The following PDZD2 variants were observed in gnomAD, a reference collection of about 807,000 sequenced individuals.
PDZD2 encodes the protein PDZ domain-containing protein 2.
In PDZD2, 90 loss-of-function variants were observed where a neutral mutation model predicts 220.7. That is an observed-to-expected ratio of 0.41 (90% confidence interval 0.34 to 0.49). The LOEUF (loss-of-function observed/expected upper bound fraction) is 0.49. PDZD2 is among the 20% of genes least tolerant of loss of function. The pLI is 0.28. For synonymous variants in PDZD2, 1,375 were observed against 1,450.5 expected (o/e 0.95, Z 1.18); for missense variants, 3,174 against 3,608.5 (o/e 0.88, Z 3.08).
intron 2 of PDZD2, among the ~76,000 whole-genome samples, chr5:31,849,074 CCT>C (rs1197115004): frequency 3.3e-5 from 5 of 152,108 alleles, no homozygotes; most frequent in African/African-American, 1.2e-4. Flanking sequence ...TCCTTCCTTT[CCT>C]CTGTTTTGCT....
chr5:31,735,714 A>G (rs1169212361), intron 1 of PDZD2, among the ~76,000 whole-genome samples: 1 of 152,208 alleles, frequency 6.6e-6, no homozygotes, highest in Non-Finnish European at 1.5e-5. Flanking sequence ...TGGGAGGCCA[A>G]GGCGGGCAGA....
intron 2 of PDZD2, among the ~76,000 whole-genome samples, chr5:31,806,256 G>T (rs1316632583): frequency 6.6e-6 from 1 of 152,164 alleles, no homozygotes; most frequent in South Asian, 2.1e-4. Flanking sequence ...TGGAAGATGA[G>T]GTCATGATTT....
At chr5:31,693,992 C>A (rs1398910640) in intron 1 of PDZD2, among the ~76,000 whole-genome samples, 1 of 152,204 alleles carries the variant, frequency 6.6e-6, no homozygotes, top group Admixed American at 6.5e-5. Context: ...TCATCATTAA[C>A]TGCGTCATAA....
intron 1 of PDZD2, among the ~76,000 whole-genome samples, chr5:31,767,027 C>CTTTTTTTT (rs3032828): frequency 0.01 from 954 of 94,196 alleles, 46 homozygotes; most frequent in East Asian, 0.031. Flanking sequence ...TGCACCCAGC[C>CTTTTTTTT]TTTTTTTTTT....
chr5:32,003,297 AACACC>A (rs1752467221), intron 5 of PDZD2, among the ~76,000 whole-genome samples: 1 of 87,302 alleles, frequency 1.1e-5, no homozygotes, highest in African/African-American at 4.4e-5. Context: ...CACCACAGCA[AACACC>A]ACACCACACA....
At chr5:32,078,983 C>T (rs531164154) in intron 19 of PDZD2, among the ~76,000 whole-genome samples, 58 of 151,836 alleles carry the variant, frequency 3.8e-4, no homozygotes, top group African/African-American at 1.3e-3. Context: ...TGGTGGGGCG[C>T]GGTGGCTCAT....
intron 2 of PDZD2, among the ~76,000 whole-genome samples, chr5:31,836,987 C>T (rs991356113): frequency 1.3e-5 from 2 of 150,954 alleles, no homozygotes; most frequent in African/African-American, 4.9e-5. Flanking sequence ...CATTGCATTC[C>T]AGCCTGGGCA....
chr5:31,710,486 T>G (rs1042349064), intron 1 of PDZD2, among the ~76,000 whole-genome samples: 5 of 152,158 alleles, frequency 3.3e-5, no homozygotes, highest in African/African-American at 1.2e-4. Flanking sequence ...TTGAGCTTGT[T>G]TCTGGCTTCT....
intron 1 of PDZD2, among the ~76,000 whole-genome samples, chr5:31,780,235 C>T (rs1263701155): frequency 1.3e-5 from 2 of 151,722 alleles, no homozygotes; most frequent in African/African-American, 2.4e-5. Context: ...AAGTCAAGCA[C>T]GTGAGAGTGG....
chr5:31,850,128 G>GTATATATACGTGTATATATT (rs1757935404), intron 2 of PDZD2, among the ~76,000 whole-genome samples: 1 of 69,020 alleles, frequency 1.4e-5, no homozygotes. Flanking sequence ...GTGTATATAT[G>GTATATATACGTGTATATATT]TGTGTGTATA....
chr5:31,720,063 C>G (rs1211582460), intron 1 of PDZD2, among the ~76,000 whole-genome samples: 3 of 152,216 alleles, frequency 2.0e-5, no homozygotes, highest in Non-Finnish European at 4.4e-5. Flanking sequence ...ATGCTGAGTA[C>G]AAGACACTAC....
intron 1 of PDZD2, among the ~76,000 whole-genome samples, chr5:31,671,773 G>A (rs541081421): frequency 1.1e-4 from 17 of 152,314 alleles, no homozygotes; most frequent in Admixed American, 7.2e-4. Flanking sequence ...TGGAGAGCTC[G>A]TTCAACACCG....
intron 5 of PDZD2, among the ~76,000 whole-genome samples, chr5:32,005,974 C>G (rs7737836): frequency 0.073 from 11,122 of 152,048 alleles, 1,183 homozygotes; most frequent in African/African-American, 0.23. Context: ...TGGTGAAACC[C>G]TGTCTCTACT....
Position 32,057,695 on chromosome 5 carries a change from C to T in PDZD2, c.1941C>T (p.Gly647=), listed in dbSNP as rs1298075498. The T allele has an allele frequency of 6.3e-7, 1 of 1,594,752 alleles. No homozygotes were observed. Among genetic ancestry groups the T allele is most frequent in the African/African-American group, 1.3e-5 (1 of 74,448 alleles). Residue 647 remains glycine, a synonymous_variant, in exon 11 of 25, where the codon GGC becomes GGT. Coordinates refer to ENST00000438447, the MANE Select transcript of PDZD2 (RefSeq NM_178140.4). ...ATGTAAATGGAATACCAATAAAGGG[C>T]TTGACATTTCAAGAAGCCATTCATA... ...ILDVNGIPIK[G]LTFQEAIHTF...
chr5:31,645,276 T>C (rs1745092181), intron 1 of PDZD2, among the ~76,000 whole-genome samples: 1 of 151,992 alleles, frequency 6.6e-6, no homozygotes, highest in Admixed American at 6.6e-5. Flanking sequence ...CCAGACTGGT[T>C]CTTTGAGGTG....
At chr5:32,003,375 A>G (rs1370201009) in intron 5 of PDZD2, among the ~76,000 whole-genome samples, 1 of 49,734 alleles carries the variant, frequency 2.0e-5, no homozygotes, top group African/African-American at 5.9e-5. Flanking sequence ...CACACACACC[A>G]CACACACACC....
intron 1 of PDZD2, among the ~76,000 whole-genome samples, chr5:31,778,743 G>A (rs751419098): frequency 2.0e-5 from 3 of 152,064 alleles, no homozygotes; most frequent in Non-Finnish European, 2.9e-5. Context: ...CACCAATTCC[G>A]GACACACTGG....
At chr5:31,744,585 A>G (rs1388433372) in intron 1 of PDZD2, 1 of 152,226 alleles carries the variant, frequency 6.6e-6, no homozygotes, top group Non-Finnish European at 1.5e-5. Context: ...CTGAAAAAAA[A>G]AAGAAGAAAG....
At chr5:31,673,243 G>A (rs1245465407) in intron 1 of PDZD2, among the ~76,000 whole-genome samples, 19 of 152,200 alleles carry the variant, frequency 1.2e-4, no homozygotes, top group Admixed American at 9.2e-4. Flanking sequence ...GGACAGGCCC[G>A]CCCTGCACAG....
Sources: gnomAD v4.1 joint callset for allele counts (sites outside exome capture counted in the v4.1 genomes callset) on GRCh38, gnomAD v4.1.1 for gene constraint, MANE v1.5 for transcripts, NCBI Gene and HGNC (gene_info 2026-07-23, HGNC 2026-07-21) for gene names.